The following VIRMA variants were observed in gnomAD, a reference collection of about 807,000 sequenced individuals.
The protein encoded by VIRMA is vir like m6A methyltransferase associated, also known as protein virilizer homolog.
A neutral mutation model predicts 182.4 loss-of-function variants in VIRMA; 65 were observed. That is an observed-to-expected ratio of 0.36 (90% CI 0.29 to 0.44). VIRMA has a LOEUF of 0.44. Ranked by LOEUF, VIRMA falls within the 20% of genes least tolerant of loss-of-function variation. The pLI is 1.00. For synonymous variants in VIRMA, 709 were observed against 743.1 expected (o/e 0.95, Z 0.75); for missense variants, 1,752 against 2,158.1 (o/e 0.81, Z 3.73).
rs1418994689 is a variant in VIRMA at position 94,511,695 on chromosome 8, A to G, written c.2880T>C (p.Val960=). ...QQKDLKWNLA[V]IQLFSAEGMD... is the part of the protein sequence containing the mutation. ...TTCCTTCAGCAGAAAAAAGCTGAAT[A>G]ACGGCAAGATTCCATTTCAGATCTT... Residue 960 remains valine (V), a synonymous_variant, in exon 13 of 24, where the codon GTT becomes GTC. Coordinates refer to ENST00000297591, the MANE Select transcript of VIRMA (RefSeq NM_015496.5). 2 of 1,613,950 alleles carry G rather than the reference A, an allele frequency of 1.2e-6. No homozygotes were observed. Among genetic ancestry groups the G allele is most frequent in the East Asian group, 2.2e-5 (1 of 44,874 alleles).
chr8:94,513,584 CA>C (rs1217624275), intron 11 of VIRMA, among the ~76,000 whole-genome samples: 2 of 151,972 alleles, frequency 1.3e-5, no homozygotes, highest in East Asian at 3.9e-4. Flanking sequence ...GGATGAGAAC[CA>C]CTTATAATAT....
At chr8:94,508,728 T>C (rs762308290) in intron 15 of VIRMA, among the ~76,000 whole-genome samples, 9 of 151,786 alleles carry the variant, frequency 5.9e-5, no homozygotes, top group Admixed American at 1.3e-4. Flanking sequence ...TTTCTTGACC[T>C]GAGTCTTAAA....
chr8:94,502,264 G>A (rs987721939), intron 16 of VIRMA, among the ~76,000 whole-genome samples: 2 of 151,874 alleles, frequency 1.3e-5, no homozygotes, highest in Admixed American at 1.3e-4. Flanking sequence ...CTTGAGCCCG[G>A]GAGGCGAAGG....
At chr8:94,531,739 T>C (rs1022394935) in intron 5 of VIRMA, among the ~76,000 whole-genome samples, 1 of 152,156 alleles carries the variant, frequency 6.6e-6, no homozygotes, top group Non-Finnish European at 1.5e-5. Flanking sequence ...GCCAAAAAAA[T>C]AAGGGAATGT....
chr8:94,500,330 C>T (rs568655637), intron 16 of VIRMA, among the ~76,000 whole-genome samples: 7 of 152,108 alleles, frequency 4.6e-5, no homozygotes, highest in African/African-American at 7.2e-5. Flanking sequence ...ACCCAGGAGA[C>T]GGAGGTTGCA....
chr8:94,505,986 T>A (rs893245124), intron 16 of VIRMA, among the ~76,000 whole-genome samples: 3 of 152,212 alleles, frequency 2.0e-5, no homozygotes, highest in Non-Finnish European at 4.4e-5. Flanking sequence ...TTACATAACA[T>A]TCACACTGTA....
intron 20 of VIRMA, among the ~76,000 whole-genome samples, chr8:94,494,528 G>A (rs549148504): frequency 7.1e-6 from 1 of 141,128 alleles, no homozygotes; most frequent in East Asian, 2.2e-4. Flanking sequence ...GGAAACGGAG[G>A]TTGCAGTGAG....
intron 5 of VIRMA, among the ~76,000 whole-genome samples, chr8:94,533,160 G>C (rs1486873567): frequency 2.0e-5 from 3 of 149,912 alleles, no homozygotes; most frequent in African/African-American, 4.9e-5. Context: ...AGGAGCTCAC[G>C]GTTTGGTTAA....
In VIRMA at chr8:94,527,018, C is replaced by G; in HGVS notation, c.1226G>C (p.Ser409Thr). Residue 409 changes from serine to threonine, a missense_variant, in exon 8 of 24, where the codon AGT becomes ACT. Ser to Thr is a moderately conservative substitution (Grantham distance 58). Transcript: ENST00000297591. ...ATAGCTTAACCCTTTTATTATTAAA[C>G]TTGGAATTTCTTCTAAAGCTGTTAC... Reference protein sequence around the residue: ...KWVTALEEIPSLIIKGLSYLQ... With the variant: ...KWVTALEEIPTLIIKGLSYLQ... The G allele has an allele frequency of 6.2e-7, 1 of 1,614,122 alleles. No homozygotes were observed. Among genetic ancestry groups the G allele is most frequent in the Non-Finnish European group, 8.5e-7 (1 of 1,179,984 alleles).
intron 9 of VIRMA, among the ~76,000 whole-genome samples, chr8:94,518,268 C>T (rs55638821): frequency 0.15 from 22,805 of 152,158 alleles, 2,102 homozygotes; most frequent in South Asian, 0.3. Flanking sequence ...CATTAGTCTC[C>T]TTCAAAATAT....
chr8:94,526,467 C>G lies in VIRMA; in HGVS notation c.1777G>C (p.Gly593Arg). Residue 593 changes from glycine (G) to arginine (R), a missense_variant, in exon 8 of 24, where the codon GGA (glycine) becomes CGA (arginine). Physicochemically the swap from Gly to Arg is moderately radical, Grantham distance 125. This residue lies in a region of VIRMA where 401 missense variants were observed against 455.1 expected (regional missense o/e 0.88). Coordinates refer to ENST00000297591, the MANE Select transcript of VIRMA (RefSeq NM_015496.5). ...TATTCTGGGTTTGTTCTCTCAAGTCCAGCATCTGTGTCGTGATCAGGTTCA... is the reference window on the plus strand; with the variant it reads ...TATTCTGGGTTTGTTCTCTCAAGTCGAGCATCTGTGTCGTGATCAGGTTCA... ...HSEPDHDTDA[G>R]LERTNPEYEN... The G allele has an allele frequency of 1.2e-6, 2 of 1,613,982 alleles. No individual in the cohort carries two copies. Among genetic ancestry groups the G allele is most frequent in the South Asian group, 1.1e-5 (1 of 91,048 alleles).
rs769269766 is a variant in VIRMA at position 94,531,089 on chromosome 8, G to C, written c.485-4C>G. 1.0e-5 allele frequency: 16 copies of C among 1,540,154 alleles called. No individual in the cohort carries two copies. The South Asian group carries it at 2.0e-4, about 20-fold the overall frequency. Reference sequence around the variant, plus strand: ...TGATCTTCTTTCTCCCCATCAGCTAGTGTTTTATGGGAGACAGAAAAAGAA... The same window carrying C: ...TGATCTTCTTTCTCCCCATCAGCTACTGTTTTATGGGAGACAGAAAAAGAA... On this transcript the variant is annotated splice_region_variant and splice_polypyrimidine_tract_variant and intron_variant, in intron 5 of 23. Coordinates refer to ENST00000297591, the MANE Select transcript of VIRMA (RefSeq NM_015496.5).
intron 10 of VIRMA, among the ~76,000 whole-genome samples, chr8:94,517,331 T>C (rs1814594165): frequency 6.6e-6 from 1 of 152,170 alleles, no homozygotes; most frequent in Non-Finnish European, 1.5e-5. Context: ...GCCTCCCGAG[T>C]AGCTGGAACC....
At position 94,526,834 on chromosome 8, in the gene VIRMA, C is replaced by T; in HGVS notation, c.1410G>A (p.Gly470=). 1 of 1,614,138 alleles carries T rather than the reference C, an allele frequency of 6.2e-7. No homozygotes were observed. Among genetic ancestry groups the T allele is most frequent in the Middle Eastern group, 1.6e-4 (1 of 6,062 alleles). Residue 470 remains glycine (G), a synonymous_variant, in exon 8 of 24, where the codon GGG becomes GGA. Coordinates refer to ENST00000297591, the MANE Select transcript of VIRMA (RefSeq NM_015496.5). Reference sequence around the variant, plus strand: ...GTAGCAGTCCTGTAACTCCTTGAGCCCCACATTCTGCTAGTGAGGACACTA... The same window carrying T: ...GTAGCAGTCCTGTAACTCCTTGAGCTCCACATTCTGCTAGTGAGGACACTA... ...TKLVSSLAEC[G]AQGVTGLLQA... is the part of the protein sequence containing the mutation.
At chr8:94,521,171 G>A (rs1814753027) in intron 8 of VIRMA, among the ~76,000 whole-genome samples, 1 of 152,010 alleles carries the variant, frequency 6.6e-6, no homozygotes, top group South Asian at 2.1e-4. Context: ...AAGCCCACAT[G>A]TATTAGCTAT....
At chr8:94,536,130 C>G (rs898746117) in intron 4 of VIRMA, among the ~76,000 whole-genome samples, 2 of 151,810 alleles carry the variant, frequency 1.3e-5, no homozygotes, top group African/African-American at 4.8e-5. Flanking sequence ...TCTGGAGGCA[C>G]GATAAGGAAA....
intron 10 of VIRMA, among the ~76,000 whole-genome samples, chr8:94,515,901 T>C (rs930663191): frequency 2.6e-5 from 4 of 151,362 alleles, no homozygotes; most frequent in African/African-American, 9.7e-5. Flanking sequence ...ATGGAGACCA[T>C]CCTGGCCAGC....
intron 8 of VIRMA, among the ~76,000 whole-genome samples, chr8:94,522,813 T>C (rs1814819097): frequency 6.6e-6 from 1 of 152,316 alleles, no homozygotes; most frequent in African/African-American, 2.4e-5. Context: ...TTCTTTTCCA[T>C]TGCAATACAT....
rs1369595985 is a variant in VIRMA, at chr8:94,511,668, C to T, written c.2907G>A (p.Met969Ile). The change falls in exon 13 of 24, where the codon ATG becomes ATA. Residue 969 changes from methionine (M) to isoleucine (I), a missense_variant. Physicochemically the swap from Met to Ile is conservative, Grantham distance 10. Coordinates refer to ENST00000297591, the MANE Select transcript of VIRMA (RefSeq NM_015496.5). ...TTTGCAGAACTCGAATAAACGTGTC[C>T]ATTCCTTCAGCAGAAAAAAGCTGAA... Reference protein sequence around the residue: ...AVIQLFSAEGMDTFIRVLQKL... With the variant: ...AVIQLFSAEGIDTFIRVLQKL... 1 of 1,613,936 alleles carries T rather than the reference C, an allele frequency of 6.2e-7. No homozygotes were observed. Among genetic ancestry groups the T allele is most frequent in the South Asian group, 1.1e-5 (1 of 91,058 alleles).
Sources: gnomAD v4.1 joint callset for allele counts (sites outside exome capture counted in the v4.1 genomes callset) on GRCh38, gnomAD v4.1.1 for gene constraint, gnomAD v4.1.1 regional missense constraint, MANE v1.5 for transcripts, NCBI Gene and HGNC (gene_info 2026-07-23, HGNC 2026-07-21) for gene names.